Variants in LIFR observed in about 807,000 individuals in gnomAD.
LIFR encodes LIF receptor subunit alpha.
A neutral mutation model predicts 122.2 loss-of-function variants in LIFR; 84 were observed. The observed-to-expected ratio is 0.69, with a 90% CI of 0.58 to 0.82. The LOEUF (loss-of-function observed/expected upper bound fraction) is 0.82. LIFR is among the 40% of genes least tolerant of loss of function. The probability of loss-of-function intolerance (pLI) is 0.00; values close to 1 mark genes in which losing one functional copy is unlikely to be tolerated. For missense variants in LIFR, 1,294 were observed against 1,311.6 expected (o/e 0.99, Z 0.21); for synonymous variants, 422 against 434.7 (o/e 0.97, Z 0.36).
rs572495992 is a variant in LIFR at position 38,530,796 on chromosome 5, C to G, written c.-19-130G>C. 5 of 859,836 alleles carry G rather than the reference C, an allele frequency of 5.8e-6. No individual in the cohort carries two copies. The African/African-American group carries it at 8.4e-5, about 14-fold the overall frequency. The allele number at this position is 859,836 out of a possible 1,614,324, so 53.3% of individuals were successfully genotyped here. A position where few individuals can be genotyped will look rare whatever the true frequency, so the allele number is the denominator to read the frequency against. ...TGTACATTTAGAGACTTTGGAGATA[C>G]TCAAACTCAAGCTTCCCTGGCTTGT... On this transcript the variant is annotated intron_variant, in intron 1 of 19. Coordinates refer to ENST00000453190, the MANE Select transcript of LIFR (RefSeq NM_001127671.2).
intron 7 of LIFR, among the ~76,000 whole-genome samples, chr5:38,507,763 AT>A (rs887713772): frequency 9.9e-5 from 15 of 150,956 alleles, no homozygotes; most frequent in African/African-American, 2.4e-4. Flanking sequence ...ATTCTGTAAA[AT>A]TTTTTTTTCA....
At position 38,481,749 on chromosome 5, in the gene LIFR, G is replaced by A. The variant is rs1211064435; in HGVS notation, c.3140C>T (p.Ser1047Phe). The stretch of plus-strand genomic sequence containing the variant: ...GACAATCTCACTGTTGCTGTCTATG[G>A]ATCTAGGAGAGTCTGGAGACACTAA... ...WNLVSPDSPR[S>F]IDSNSEIVSF... The change falls in exon 20 of 20, where the codon TCC becomes TTC. Residue 1047 changes from serine to phenylalanine, a missense_variant. By Grantham distance (155) the Ser-to-Phe change is radical. Transcript: ENST00000453190. The A allele has an allele frequency of 6.2e-7, 1 of 1,614,132 alleles. No individual in the cohort carries two copies. The highest frequency in any genetic ancestry group is 8.5e-7 in the Non-Finnish European group (1 of 1,180,026).
intron 2 of LIFR, among the ~76,000 whole-genome samples, chr5:38,529,189 G>T (rs1746867540): frequency 6.6e-6 from 1 of 152,074 alleles, no homozygotes; most frequent in Non-Finnish European, 1.5e-5. Context: ...GGCTAGTCAT[G>T]TAGATTCAAT....
chr5:38,547,105 G>T lies in LIFR; in HGVS notation c.-20+9229C>A, dbSNP rs117336073. The stretch of plus-strand genomic sequence containing the variant: ...ACTGCCAGTTCCAGTGGGGGCAAGG[G>T]GAGTAAAGTCCATGTAAGGCAATGG... On this transcript the variant is annotated intron_variant, in intron 1 of 19. Coordinates refer to ENST00000453190, the MANE Select transcript of LIFR (RefSeq NM_001127671.2). Among the ~76,000 whole-genome samples the T allele has an allele frequency of 2.4e-4, 36 of 152,252 alleles. No individual in the cohort carries two copies. The East Asian group carries it at 6.8e-3, about 29-fold the overall frequency.
At chr5:38,567,566 G>T (rs1018891441) in intron 1 of LIFR, among the ~76,000 whole-genome samples, 1 of 147,574 alleles carries the variant, frequency 6.8e-6, no homozygotes, top group Non-Finnish European at 1.5e-5. Context: ...GTCTCACTCT[G>T]TTGCCCAGGC....
intron 1 of LIFR, among the ~76,000 whole-genome samples, chr5:38,587,076 C>G (rs903084263): frequency 3.3e-5 from 5 of 152,142 alleles, no homozygotes; most frequent in Admixed American, 3.3e-4. Flanking sequence ...AAATCCTTCA[C>G]TCATCCATTT....
chr5:38,485,451 AAT>A (rs1491183063), intron 17 of LIFR: 8 of 310,880 alleles, frequency 2.6e-5, no homozygotes, highest in African/African-American at 1.8e-4. Context: ...CTTTACAAAA[AAT>A]TTTTTTAAGA....
At position 38,507,318 on chromosome 5, in the gene LIFR, C is replaced by T. The variant is rs112214718; in HGVS notation, c.992-686G>A. Among the ~76,000 whole-genome samples, 66 of 151,538 alleles carry T rather than the reference C, an allele frequency of 4.4e-4. 1 individual carries two copies. Among genetic ancestry groups the T allele is most frequent in the African/African-American group, 1.6e-3 (65 of 41,260 alleles). Reference sequence around the variant, plus strand: ...GTGGCTCACATCTGTAATCCCAGCACTCTGGGAGGCCAAGGTGGGCAAATC... The same window carrying T: ...GTGGCTCACATCTGTAATCCCAGCATTCTGGGAGGCCAAGGTGGGCAAATC... On this transcript the variant is annotated intron_variant, in intron 7 of 19. Coordinates refer to ENST00000453190, the MANE Select transcript of LIFR (RefSeq NM_001127671.2).
At chr5:38,545,861 CAAAAAAAAAGAAAAAAAAA>C (rs1268887247) in intron 1 of LIFR, among the ~76,000 whole-genome samples, 4 of 59,654 alleles carry the variant, frequency 6.7e-5, no homozygotes, top group African/African-American at 2.6e-4. Flanking sequence ...GACTCCATCT[CAAAAAAAAAGAAAAAAAAA>C]AAAAAAAGAA....
intron 1 of LIFR, among the ~76,000 whole-genome samples, chr5:38,534,393 G>A (rs1396580171): frequency 6.6e-6 from 1 of 152,202 alleles, no homozygotes; most frequent in Admixed American, 6.5e-5. Flanking sequence ...AGACTGAGAA[G>A]TTCTATCTGG....
intron 19 of LIFR, 37 bp downstream of exon 19, chr5:38,482,552 G>A: frequency 1.9e-6 from 2 of 1,045,966 alleles, no homozygotes; most frequent in Non-Finnish European, 2.9e-6. Context: ...AAAGAAGCCA[G>A]CACATCAAAG....
At chr5:38,482,761 G>A (rs1744065455) in intron 18 of LIFR, 94 bp from the exon 19 acceptor site, 1 of 566,812 alleles carries the variant, frequency 1.8e-6, no homozygotes, top group East Asian at 3.2e-5. Flanking sequence ...AAGTATTTAT[G>A]AATCCTTTAA....
intron 18 of LIFR, among the ~76,000 whole-genome samples, chr5:38,483,727 C>T (rs1308356944): frequency 6.6e-6 from 1 of 152,164 alleles, no homozygotes; most frequent in Non-Finnish European, 1.5e-5. Flanking sequence ...CTGCACCCGG[C>T]CTAATAGTTG....
In LIFR at chr5:38,506,605, T is replaced by C; in HGVS notation, c.1019A>G (p.Asn340Ser). 1 of 1,613,596 alleles carries C rather than the reference T, an allele frequency of 6.2e-7. No homozygotes were observed. Among genetic ancestry groups the C allele is most frequent in the Non-Finnish European group, 8.5e-7 (1 of 1,179,518 alleles). ...GYPPDTPQQLNCETHDLKEII... is the reference protein window; with the variant it reads ...GYPPDTPQQLSCETHDLKEII... ...TTCTTTTAAATCATGTGTCTCACAATTCAGTTGTTGAGGAGTATCTGGTGG... is the reference window on the plus strand; with the variant it reads ...TTCTTTTAAATCATGTGTCTCACAACTCAGTTGTTGAGGAGTATCTGGTGG... Residue 340 changes from asparagine to serine, a missense_variant, in exon 8 of 20, where the codon AAT becomes AGT. Transcript: ENST00000453190.
intron 7 of LIFR, among the ~76,000 whole-genome samples, chr5:38,509,609 T>C (rs963106498): frequency 9.2e-5 from 14 of 151,782 alleles, no homozygotes; most frequent in African/African-American, 3.2e-4. Flanking sequence ...AGAAATATCA[T>C]AAAATCTAGT....
At chr5:38,491,703 A>G (rs1744602806) in intron 14 of LIFR, among the ~76,000 whole-genome samples, 1 of 152,254 alleles carries the variant, frequency 6.6e-6, no homozygotes, top group Admixed American at 6.5e-5. Flanking sequence ...CAACCCAAGA[A>G]AAACTGAATC....
At chr5:38,589,980 C>T (rs560115618) in intron 1 of LIFR, among the ~76,000 whole-genome samples, 5 of 152,178 alleles carry the variant, frequency 3.3e-5, no homozygotes, top group South Asian at 4.1e-4. Flanking sequence ...CTTACAAACC[C>T]GGGACACGGA....
chr5:38,538,607 A>C (rs780641019), intron 1 of LIFR, among the ~76,000 whole-genome samples: 1 of 151,556 alleles, frequency 6.6e-6, no homozygotes, highest in Admixed American at 6.6e-5. Context: ...CTTCTTCCTC[A>C]CACCTCCCAC....
chr5:38,577,083 T>C (rs1428870886), intron 1 of LIFR, among the ~76,000 whole-genome samples: 1 of 152,194 alleles, frequency 6.6e-6, no homozygotes, highest in African/African-American at 2.4e-5. Flanking sequence ...TTGAAAAGCT[T>C]AAGACATTCA....
Sources: allele counts gnomAD v4.1 joint callset (sites outside exome capture counted in the v4.1 genomes callset), GRCh38; gene constraint gnomAD v4.1.1; transcripts MANE v1.5; gene names NCBI Gene and HGNC (gene_info 2026-07-23, HGNC 2026-07-21).